Variants in DAPK2 observed in about 807,000 individuals in gnomAD.
DAPK2 encodes the protein death associated protein kinase 2, also known as death-associated protein kinase 2.
A neutral mutation model predicts 44.1 loss-of-function variants in DAPK2; 35 were observed. That is an observed-to-expected ratio of 0.79 (90% CI 0.61 to 1.05). The LOEUF is 1.05. Ranked by LOEUF, DAPK2 falls within the 50% of genes least tolerant of loss-of-function variation. The pLI, the probability that DAPK2 is intolerant of heterozygous loss-of-function variation, is 0.00. For synonymous variants in DAPK2, 174 were observed against 182.6 expected (o/e 0.95, Z 0.38); for missense variants, 453 against 483.2 (o/e 0.94, Z 0.59).
intron 1 of DAPK2, among the ~76,000 whole-genome samples, chr15:63,999,191 G>C (rs1229879362): frequency 6.6e-6 from 1 of 152,186 alleles, no homozygotes; most frequent in African/African-American, 2.4e-5. Context: ...CCAGAGGCCA[G>C]TAAGAAGCAA....
At chr15:63,961,039 G>A (rs1355142750) in intron 3 of DAPK2, among the ~76,000 whole-genome samples, 2 of 152,116 alleles carry the variant, frequency 1.3e-5, no homozygotes, top group African/African-American at 4.8e-5. Flanking sequence ...TCCTGTATTG[G>A]TTGCATATAT....
At chr15:64,042,613 G>T, upstream of DAPK2, among the ~76,000 whole-genome samples, 1 of 152,240 alleles carries the variant, frequency 6.6e-6, no homozygotes, top group South Asian at 2.1e-4. This position sits in a 1 kb window ranked among gnomAD's most constrained non-coding sequence, Gnocchi z 4.7. Flanking sequence ...GGTGGCCAAG[G>T]TTAGGGGGGC....
rs747259833 is a variant in DAPK2 at position 63,991,694 on chromosome 15, G to A, written c.93-7940C>T. ...TACTGCTCTATAGCATGGAAGCATAGCATGCTCTAGATGATCCCAAAGAAG... is the reference window on the plus strand; with the variant it reads ...TACTGCTCTATAGCATGGAAGCATAACATGCTCTAGATGATCCCAAAGAAG... On this transcript the variant is annotated intron_variant, in intron 1 of 10. Coordinates refer to ENST00000261891, the Ensembl canonical transcript of DAPK2. 6.6e-5 allele frequency among the ~76,000 whole-genome samples: 10 copies of A among 152,190 alleles called. 1 individual carries two copies. The highest frequency in any genetic ancestry group is 1.5e-4 in the Non-Finnish European group (10 of 68,032).
intron 2 of DAPK2, among the ~76,000 whole-genome samples, chr15:63,979,309 G>A (rs983251479): frequency 6.6e-6 from 1 of 152,194 alleles, no homozygotes; most frequent in African/African-American, 2.4e-5. Flanking sequence ...ACCAGAGGCA[G>A]CTGCTTCTAG....
At chr15:63,967,510 G>C (rs1029187869) in intron 3 of DAPK2, among the ~76,000 whole-genome samples, 2 of 152,122 alleles carry the variant, frequency 1.3e-5, no homozygotes, top group South Asian at 4.1e-4. Flanking sequence ...GGCCAACATG[G>C]TGAAACCCTG....
At chr15:63,926,222 C>A (rs565576083) in intron 6 of DAPK2, 129 bp from the exon 8 acceptor site, 24 of 1,035,430 alleles carry the variant, frequency 2.3e-5, no homozygotes, top group Non-Finnish European at 3.2e-5. Context: ...CAGCCTGCCC[C>A]CTCTGGGCAG....
intron 2 of DAPK2, among the ~76,000 whole-genome samples, chr15:63,977,686 G>C (rs371754367): frequency 2.0e-5 from 3 of 152,180 alleles, no homozygotes; most frequent in Non-Finnish European, 4.4e-5. Context: ...GTTTGCCACC[G>C]GTGCAATGTG....
chr15:63,908,477 G>T lies in DAPK2; in HGVS notation c.*43C>A. The T allele has an allele frequency of 7.0e-7, 1 of 1,419,184 alleles. No homozygotes were observed. The highest frequency in any genetic ancestry group is 9.6e-7 in the Non-Finnish European group (1 of 1,044,446). The allele number at this position is 1,419,184 out of a possible 1,614,324, so 87.9% of individuals were successfully genotyped here. On this transcript the variant is annotated 3_prime_UTR_variant, in exon 11 of 11. Transcript: ENST00000261891. The surrounding 1 kb of genome is among the most constrained non-coding windows in gnomAD (Gnocchi z 5.7). ...AAAAGTCTGCACAGAAGGGAGCCCC[G>T]CTGGGCCCAGACCTCCCTGGCGGCC...
At chr15:64,007,128 GA>G (rs140535848) in intron 1 of DAPK2, among the ~76,000 whole-genome samples, 2 of 151,074 alleles carry the variant, frequency 1.3e-5, no homozygotes, top group South Asian at 4.2e-4. Context: ...CTAGCTAATT[GA>G]AAAAAAAATT....
Position 63,916,144 on chromosome 15 carries a change from T to C in DAPK2, c.859-3947A>G, listed in dbSNP as rs933102803. 1 of 152,010 alleles carries C rather than the reference T, an allele frequency of 6.6e-6. No individual in the cohort carries two copies. The highest frequency in any genetic ancestry group is 1.5e-5 in the Non-Finnish European group (1 of 68,116). 9.4% of individuals were successfully genotyped at this position (152,010 alleles called of 1,614,324 possible). ...AAAGGGAAGCAAGAAGACAGAAAAC[T>C]GTGGGGTAGTCAAGTTTTGTTTATG... On this transcript the variant is annotated intron_variant, in intron 8 of 10. Coordinates refer to ENST00000261891, the Ensembl canonical transcript of DAPK2. This position sits in a 1 kb window ranked among gnomAD's most constrained non-coding sequence, Gnocchi z 4.7.
intron 1 of DAPK2, among the ~76,000 whole-genome samples, chr15:64,017,920 T>C (rs765002570): frequency 1.8e-4 from 27 of 152,096 alleles, no homozygotes; most frequent in Non-Finnish European, 3.4e-4. Flanking sequence ...ACCTGCTCCA[T>C]AAAATTGCAA....
At chr15:63,937,524 C>A (rs1048322122) in intron 4 of DAPK2, among the ~76,000 whole-genome samples, 1 of 152,172 alleles carries the variant, frequency 6.6e-6, no homozygotes, top group African/African-American at 2.4e-5. Context: ...CCTTACTTCC[C>A]TGGTAGGGTA....
intron 6 of DAPK2, 126 bp downstream of exon 7, chr15:63,929,425 G>A: frequency 8.0e-7 from 1 of 1,257,104 alleles, no homozygotes. Context: ...TTGCTGTGTG[G>A]ACTTAACACA....
chr15:64,042,075 T>C (rs1206571469), upstream of DAPK2, among the ~76,000 whole-genome samples: 2 of 152,176 alleles, frequency 1.3e-5, no homozygotes, highest in Non-Finnish European at 1.5e-5. The surrounding 1 kb of genome is among the most constrained non-coding windows in gnomAD (Gnocchi z 4.7). Context: ...CCACAGCAGG[T>C]GGGTACCCTC....
chr15:64,029,579 CA>C (rs1184705581), intron 1 of DAPK2, among the ~76,000 whole-genome samples: 1 of 152,214 alleles, frequency 6.6e-6, no homozygotes, highest in Non-Finnish European at 1.5e-5. Flanking sequence ...AGGTACATCT[CA>C]TTTCATTTGC....
intron 2 of DAPK2, among the ~76,000 whole-genome samples, chr15:63,982,716 T>C (rs1389211601): frequency 6.6e-6 from 1 of 152,250 alleles, no homozygotes; most frequent in African/African-American, 2.4e-5. Context: ...CACTCATAGC[T>C]GTCTGCACAG....
At chr15:64,001,526 A>G in intron 1 of DAPK2, among the ~76,000 whole-genome samples, 1 of 152,212 alleles carries the variant, frequency 6.6e-6, no homozygotes, top group East Asian at 1.9e-4. Flanking sequence ...GCTACTAAGC[A>G]GTGATCAGAG....
chr15:64,002,955 T>TC (rs1567266475), intron 1 of DAPK2, among the ~76,000 whole-genome samples: 2,070 of 117,376 alleles, frequency 0.018, 63 homozygotes, highest in East Asian at 0.13. Context: ...TGTGTGTGTG[T>TC]GTGTGTGTGT....
In DAPK2 at chr15:63,912,226, G is replaced by T; in HGVS notation, c.859-29C>A. 1 of 1,609,962 alleles carries T rather than the reference G, an allele frequency of 6.2e-7. No individual in the cohort carries two copies. Among genetic ancestry groups the T allele is most frequent in the South Asian group, 1.1e-5 (1 of 90,962 alleles). On this transcript the variant is annotated intron_variant, in intron 8 of 10. Transcript: ENST00000261891. This position sits in a 1 kb window ranked among gnomAD's most constrained non-coding sequence, Gnocchi z 4.4. ...AGAGACAAAGCAGAGCATGGCAGCTGATGCTGGGCTTCAGACAGCAGCCAC... is the reference window on the plus strand; with the variant it reads ...AGAGACAAAGCAGAGCATGGCAGCTTATGCTGGGCTTCAGACAGCAGCCAC...
Sources: allele counts gnomAD v4.1 joint callset (sites outside exome capture counted in the v4.1 genomes callset), GRCh38; gene constraint gnomAD v4.1.1; non-coding constraint Gnocchi (gnomAD v3.1); transcripts MANE v1.5; gene names NCBI Gene and HGNC (gene_info 2026-07-23, HGNC 2026-07-21).